The following CDKAL1 variants were observed in gnomAD, a reference collection of about 807,000 sequenced individuals.
The protein encoded by CDKAL1 is CDKAL1 threonylcarbamoyladenosine tRNA methylthiotransferase, also known as threonylcarbamoyladenosine tRNA methylthiotransferase.
CDKAL1 carries 32 observed loss-of-function variants against 68.2 expected under a neutral mutation model. The ratio of observed to expected loss-of-function variants is 0.47; its 90% CI spans 0.35 to 0.63. The LOEUF is 0.63. Ranked by LOEUF, CDKAL1 falls within the 30% of genes least tolerant of loss-of-function variation. The pLI is 0.00. For missense variants in CDKAL1, 606 were observed against 696.7 expected (o/e 0.87, Z 1.47); for synonymous variants, 234 against 244.3 (o/e 0.96, Z 0.39).
At chr6:20,713,508 C>G (rs184760305) in intron 5 of CDKAL1, among the ~76,000 whole-genome samples, 7 of 152,198 alleles carry the variant, frequency 4.6e-5, no homozygotes, top group Non-Finnish European at 8.8e-5. Flanking sequence ...TTTCATATTA[C>G]TTGGATAATT....
At chr6:21,064,953 T>G (rs1432651293) in intron 11 of CDKAL1, 95 bp from the exon 12 acceptor site, 1 of 744,656 alleles carries the variant, frequency 1.3e-6, no homozygotes. Context: ...AAAAATAAAT[T>G]TTAATTACCA....
intron 8 of CDKAL1, among the ~76,000 whole-genome samples, chr6:20,786,332 G>C (rs924229440): frequency 1.1e-4 from 17 of 152,208 alleles, no homozygotes; most frequent in African/African-American, 4.1e-4. Context: ...AGCAGGATAC[G>C]GTGTGTGTGG....
intron 8 of CDKAL1, among the ~76,000 whole-genome samples, chr6:20,835,801 C>T (rs545194321): frequency 6.6e-6 from 1 of 152,182 alleles, no homozygotes; most frequent in East Asian, 1.9e-4. Flanking sequence ...CCACCTGCCT[C>T]GGCCTCGCAA....
intron 5 of CDKAL1, among the ~76,000 whole-genome samples, chr6:20,664,759 ATTCTC>A (rs1246160679): frequency 1.3e-5 from 2 of 152,166 alleles, no homozygotes; most frequent in Non-Finnish European, 2.9e-5. Context: ...ACTTTAAAAA[ATTCTC>A]TTCTATCTAG....
chr6:20,548,179 G>A (rs933892687), intron 3 of CDKAL1, among the ~76,000 whole-genome samples: 1 of 152,162 alleles, frequency 6.6e-6, no homozygotes, highest in African/African-American at 2.4e-5. Flanking sequence ...ATGGATTGTA[G>A]TGAGTTTGTT....
At chr6:20,639,206 G>A (rs973705113) in intron 4 of CDKAL1, among the ~76,000 whole-genome samples, 7 of 152,158 alleles carry the variant, frequency 4.6e-5, no homozygotes, top group Admixed American at 2.0e-4. Flanking sequence ...CAGACTTCAA[G>A]TTGACCCTTG....
At chr6:20,659,806 ATCT>A (rs759592103) in intron 5 of CDKAL1, among the ~76,000 whole-genome samples, 3 of 152,058 alleles carry the variant, frequency 2.0e-5, no homozygotes, top group Non-Finnish European at 4.4e-5. Flanking sequence ...AGTATTGCCC[ATCT>A]TCTTTGATTG....
chr6:21,184,974 G>A (rs1777950871), intron 13 of CDKAL1, among the ~76,000 whole-genome samples: 1 of 151,748 alleles, frequency 6.6e-6, no homozygotes, highest in African/African-American at 2.4e-5. Flanking sequence ...CCTAAGATTT[G>A]AATATTCTCA....
intron 2 of CDKAL1, among the ~76,000 whole-genome samples, chr6:20,542,825 C>T (rs1763440739): frequency 6.6e-6 from 1 of 152,182 alleles, no homozygotes; most frequent in African/African-American, 2.4e-5. Context: ...TCCTCTCACC[C>T]TGTTCTTTCT....
In CDKAL1 at chr6:21,072,594, T is replaced by A. The variant is rs560433120; in HGVS notation, c.1236+7366T>A. 8.9e-5 allele frequency among the ~76,000 whole-genome samples: 13 copies of A among 145,840 alleles called. No individual in the cohort carries two copies. The East Asian group carries it at 2.2e-3, about 25-fold the overall frequency. On this transcript the variant is annotated intron_variant, in intron 12 of 15. Transcript: ENST00000274695. ...AAAAAAAAAAAAGCCTGTTTTTGTC[T>A]TGTCTTTTATCTTCTAAACGTAGCC...
chr6:21,058,525 A>G (rs1003363832), intron 11 of CDKAL1, among the ~76,000 whole-genome samples: 3 of 152,172 alleles, frequency 2.0e-5, no homozygotes, highest in African/African-American at 7.2e-5. Flanking sequence ...TAAGGCTAAT[A>G]TTGTTATGTT....
chr6:20,775,270 A>G (rs1775124314), intron 7 of CDKAL1, among the ~76,000 whole-genome samples: 1 of 152,188 alleles, frequency 6.6e-6, no homozygotes, highest in South Asian at 2.1e-4. Context: ...ATTTCTTATT[A>G]CATGGGATTG....
intron 13 of CDKAL1, among the ~76,000 whole-genome samples, chr6:21,161,538 G>A (rs1776926022): frequency 6.6e-6 from 1 of 151,980 alleles, no homozygotes; most frequent in African/African-American, 2.4e-5. Flanking sequence ...ACTTTTTGGT[G>A]GTGTTAATCA....
At chr6:21,074,837 A>C (rs1426232156) in intron 12 of CDKAL1, among the ~76,000 whole-genome samples, 3 of 152,016 alleles carry the variant, frequency 2.0e-5, no homozygotes, top group Non-Finnish European at 4.4e-5. Flanking sequence ...TAACTTTAGG[A>C]GTACACATGG....
chr6:20,630,585 C>T (rs1767633865), intron 4 of CDKAL1, among the ~76,000 whole-genome samples: 1 of 151,778 alleles, frequency 6.6e-6, no homozygotes, highest in East Asian at 1.9e-4. Flanking sequence ...TTAGAAAAAA[C>T]CAGGTGACTA....
intron 5 of CDKAL1, among the ~76,000 whole-genome samples, chr6:20,728,813 C>T (rs967475876): frequency 9.9e-5 from 15 of 152,092 alleles, no homozygotes; most frequent in Admixed American, 4.6e-4. Context: ...AAGGTAAACA[C>T]GTTGTGGAAA....
intron 9 of CDKAL1, among the ~76,000 whole-genome samples, chr6:20,858,596 G>A (rs1332661501): frequency 6.6e-6 from 1 of 152,102 alleles, no homozygotes; most frequent in Non-Finnish European, 1.5e-5. Flanking sequence ...TTGAGACAAG[G>A]TATATCTTTG....
intron 11 of CDKAL1, among the ~76,000 whole-genome samples, chr6:21,004,943 C>T (rs1208287446): frequency 6.6e-6 from 1 of 152,146 alleles, no homozygotes; most frequent in Non-Finnish European, 1.5e-5. Flanking sequence ...GCCTGCGTGA[C>T]AGAGCAAGAT....
chr6:20,945,822 T>C (rs1400841181), intron 9 of CDKAL1, among the ~76,000 whole-genome samples: 2 of 152,250 alleles, frequency 1.3e-5, no homozygotes, highest in African/African-American at 2.4e-5. Context: ...TATTTCTATT[T>C]ACATTTGTGA....
Sources: allele counts gnomAD v4.1 joint callset (sites outside exome capture counted in the v4.1 genomes callset), GRCh38; gene constraint gnomAD v4.1.1; transcripts MANE v1.5; gene names NCBI Gene and HGNC (gene_info 2026-07-23, HGNC 2026-07-21).